RGS8: variants seen among roughly 807,000 people sequenced by gnomAD.
RGS8 encodes regulator of G protein signaling 8.
A neutral mutation model predicts 21.7 loss-of-function variants in RGS8; 8 were observed. That is an observed-to-expected ratio of 0.37 (90% CI 0.22 to 0.66). RGS8 has a LOEUF of 0.66. Ranked by LOEUF, RGS8 falls within the 30% of genes least tolerant of loss-of-function variation. The pLI is 0.59. For missense variants in RGS8, 157 were observed against 217.9 expected, an observed-to-expected ratio of 0.72 and a Z score of 1.76; for synonymous variants, 80 against 83.6, an observed-to-expected ratio of 0.96 and a Z score of 0.24.
At chr1:182,736,286 A>G in the RGS8 span, among the ~76,000 whole-genome samples, 5 of 152,254 alleles carry the variant, frequency 3.3e-5, no homozygotes, top group African/African-American at 1.2e-4. Flanking sequence ...CCAAAAAGCA[A>G]TTGCTAAAAC....
In RGS8 at chr1:182,679,466, C is replaced by G. The variant is rs374522184; in HGVS notation, n.221+4890G>C. 4.3e-4 allele frequency among the ~76,000 whole-genome samples: 66 copies of G among 152,218 alleles called. 1 individual carries two copies. In the South Asian group the frequency reaches 0.013, roughly 30 times the overall value. On this transcript the variant is annotated intron_variant and non_coding_transcript_variant, in intron 1 of 4. Transcript: ENST00000515211. ...TTCCCCTTGGTCTCCTTTGCTGGCT[C>G]CTCCTCCTCTGTCCACCCCATAAAC...
chr1:182,702,059 AC>A, the RGS8 span, among the ~76,000 whole-genome samples: 1 of 152,164 alleles, frequency 6.6e-6, no homozygotes, highest in African/African-American at 2.4e-5. Flanking sequence ...CTGCCATCTG[AC>A]CCAGCAATCC....
At chr1:182,732,079 T>C in the RGS8 span, among the ~76,000 whole-genome samples, 120 of 152,312 alleles carry the variant, frequency 7.9e-4, no homozygotes, top group South Asian at 0.014. Flanking sequence ...CTGACGACTT[T>C]AGAAAGAACC....
chr1:182,667,061 G>C, intron 3 of RGS8, 88 bp from the exon 5 acceptor site: 2 of 1,081,608 alleles, frequency 1.8e-6, no homozygotes, highest in Non-Finnish European at 2.8e-6. Flanking sequence ...CTGCTGCTAC[G>C]GGAGCCAGCA....
the RGS8 span, among the ~76,000 whole-genome samples, chr1:182,741,985 C>T: frequency 3.5e-5 from 5 of 142,672 alleles, no homozygotes; most frequent in East Asian, 4.3e-4. Flanking sequence ...ACTTCTCAGA[C>T]GGGGCGGTTG....
At chr1:182,692,093 C>T in the RGS8 span, among the ~76,000 whole-genome samples, 4 of 151,460 alleles carry the variant, frequency 2.6e-5, no homozygotes, top group Admixed American at 6.6e-5. Flanking sequence ...GCAAACTCTG[C>T]CTCCTGGGTT....
the RGS8 span, among the ~76,000 whole-genome samples, chr1:182,711,247 C>T: frequency 4.6e-5 from 7 of 152,200 alleles, no homozygotes; most frequent in African/African-American, 1.4e-4. Flanking sequence ...TCTGGCAAGG[C>T]TTGGCCTTCA....
chr1:182,747,083 A>T, the RGS8 span, among the ~76,000 whole-genome samples: 5 of 10,926 alleles, frequency 4.6e-4, no homozygotes, highest in African/African-American at 7.5e-4. Context: ...TTTTTTTTGT[A>T]GAGATGGAGA....
At chr1:182,674,967 G>C (rs1664309121), upstream of RGS8, among the ~76,000 whole-genome samples, 1 of 151,958 alleles carries the variant, frequency 6.6e-6, no homozygotes, top group Admixed American at 6.5e-5. Flanking sequence ...GCCCTCTCCA[G>C]GCACCCACCA....
At chr1:182,715,349 C>T in the RGS8 span, among the ~76,000 whole-genome samples, 1 of 152,214 alleles carries the variant, frequency 6.6e-6, no homozygotes, top group African/African-American at 2.4e-5. Context: ...GGCAGTTACT[C>T]TCACTTACCC....
chr1:182,693,177 T>C, the RGS8 span, among the ~76,000 whole-genome samples: 1 of 152,122 alleles, frequency 6.6e-6, no homozygotes, highest in South Asian at 2.1e-4. Context: ...ATCAACAGGA[T>C]AAACAGACAA....
the RGS8 span, among the ~76,000 whole-genome samples, chr1:182,732,326 G>C: frequency 6.7e-6 from 1 of 149,704 alleles, no homozygotes; most frequent in Non-Finnish European, 1.5e-5. Context: ...ACTAGGTTGC[G>C]CTTAATGCTC....
chr1:182,674,663 T>C (rs1415752459), upstream of RGS8, among the ~76,000 whole-genome samples: 2 of 152,134 alleles, frequency 1.3e-5, no homozygotes, highest in African/African-American at 2.4e-5. Flanking sequence ...TCTTCTTTCC[T>C]GAAACAAATA....
intron 2 of RGS8, among the ~76,000 whole-genome samples, chr1:182,671,085 C>T (rs917548374): frequency 6.6e-6 from 1 of 152,198 alleles, no homozygotes; most frequent in Non-Finnish European, 1.5e-5. Flanking sequence ...GATCACCCAC[C>T]CTTCTGTCCC....
At chr1:182,723,638 A>G in the RGS8 span, among the ~76,000 whole-genome samples, 1 of 152,206 alleles carries the variant, frequency 6.6e-6, no homozygotes, top group Admixed American at 6.5e-5. Context: ...GACCAACTCA[A>G]GAACAACATA....
chr1:182,651,209 A>G (rs746969935), intron 5 of RGS8, among the ~76,000 whole-genome samples: 1 of 152,236 alleles, frequency 6.6e-6, no homozygotes, highest in Non-Finnish European at 1.5e-5. Flanking sequence ...TAAAACAACT[A>G]CTAATGTAAC....
chr1:182,724,396 C>T, the RGS8 span, among the ~76,000 whole-genome samples: 53,025 of 150,522 alleles, frequency 0.35, 9,678 homozygotes, highest in African/African-American at 0.46. Context: ...GGACAATTGA[C>T]CATCTGTGAT....
At chr1:182,696,266 G>A in the RGS8 span, among the ~76,000 whole-genome samples, 4 of 152,130 alleles carry the variant, frequency 2.6e-5, no homozygotes, top group Admixed American at 2.6e-4. Context: ...TTTTGTTTCT[G>A]AACTGCTATT....
the RGS8 span, among the ~76,000 whole-genome samples, chr1:182,741,161 G>C: frequency 8.1e-5 from 12 of 147,916 alleles, no homozygotes; most frequent in Non-Finnish European, 1.5e-4. Context: ...CCTCCCGGAC[G>C]GGGCGGCTGG....
Sources: gnomAD v4.1 joint callset for allele counts (sites outside exome capture counted in the v4.1 genomes callset) on GRCh38, gnomAD v4.1.1 for gene constraint, MANE v1.5 for transcripts, NCBI Gene and HGNC (gene_info 2026-07-23, HGNC 2026-07-21) for gene names.